GZMK: variants seen among roughly 807,000 people sequenced by gnomAD.
The protein encoded by GZMK is granzyme K.
In GZMK, 18 loss-of-function variants were observed where a neutral mutation model predicts 22.8. The ratio of observed to expected loss-of-function variants is 0.79; its 90% CI spans 0.54 to 1.17. The LOEUF is 1.17. GZMK is among the 50% of genes most tolerant of loss of function. The pLI is 0.00. For synonymous variants in GZMK, 136 were observed against 115.0 expected (o/e 1.18, Z -1.17); for missense variants, 342 against 320.2 (o/e 1.07, Z -0.52).
intron 3 of GZMK, among the ~76,000 whole-genome samples, chr5:55,030,855 A>T (rs945064607): frequency 3.3e-5 from 5 of 152,212 alleles, no homozygotes; most frequent in Admixed American, 6.5e-5. Context: ...AGGCCCAAGG[A>T]TCCACACTGA....
chr5:55,029,609 G>C (rs1489972576), intron 2 of GZMK, among the ~76,000 whole-genome samples: 1 of 152,054 alleles, frequency 6.6e-6, no homozygotes, highest in African/African-American at 2.4e-5. Context: ...TGTCACCCAG[G>C]CTGTGACACT....
chr5:55,025,499 T>C (rs1323759034), intron 2 of GZMK, among the ~76,000 whole-genome samples: 1 of 152,212 alleles, frequency 6.6e-6, no homozygotes, highest in Admixed American at 6.5e-5. Context: ...CAAAGTCCAT[T>C]TCAGCCTAGG....
rs1463207102 is a variant in GZMK at position 55,033,599 on chromosome 5, C to G, written c.634-166C>G. On this transcript the variant is annotated intron_variant, in intron 4 of 4. Transcript: ENST00000231009. ...ACATAGTCCTTGACAGAGACAGGCA[C>G]ATGGACAACCTATAACGAGTAAGAG... 1.3e-5 allele frequency: 7 copies of G among 550,242 alleles called. No individual in the cohort carries two copies. In the East Asian group the frequency reaches 2.1e-4, roughly 16 times the overall value. 34.1% of individuals were successfully genotyped at this position (550,242 alleles called of 1,614,324 possible).
intron 2 of GZMK, among the ~76,000 whole-genome samples, chr5:55,029,247 G>T (rs528176302): frequency 6.6e-6 from 1 of 151,080 alleles, no homozygotes. Context: ...AAAAAAAAAC[G>T]TTAAAAAAGA....
chr5:55,032,530 G>A (rs1164782277), intron 4 of GZMK: 1 of 152,236 alleles, frequency 6.6e-6, no homozygotes, highest in East Asian at 1.9e-4. Context: ...TCAGGAGTTT[G>A]AGACCAGCCT....
In GZMK at chr5:55,033,792, A is replaced by G; in HGVS notation, c.661A>G (p.Lys221Glu). Reference protein sequence around the residue: ...KGDSGGPLICKGVFHAIVSGG... With the variant: ...KGDSGGPLICEGVFHAIVSGG... Reference sequence around the variant, plus strand: ...TGACTCAGGGGGCCCCTTGATCTGTAAAGGTGTCTTCCACGCTATAGTCTC... The same window carrying G: ...TGACTCAGGGGGCCCCTTGATCTGTGAAGGTGTCTTCCACGCTATAGTCTC... Residue 221 changes from lysine (K) to glutamate (E), a missense_variant, in exon 5 of 5, where the codon AAA becomes GAA. Transcript: ENST00000231009. The G allele has an allele frequency of 6.2e-7, 1 of 1,612,750 alleles. No homozygotes were observed. Among genetic ancestry groups the G allele is most frequent in the Non-Finnish European group, 8.5e-7 (1 of 1,179,532 alleles).
intron 2 of GZMK, 89 bp downstream of exon 2, chr5:55,024,896 G>C: frequency 1.3e-6 from 1 of 786,500 alleles, no homozygotes; most frequent in Non-Finnish European, 1.9e-6. Context: ...ATGAGAATTT[G>C]ATCTACTGTT....
Position 55,031,474 on chromosome 5 carries a change from T to C in GZMK, c.474T>C (p.Asp158=). Residue 158 remains aspartate, a synonymous_variant, in exon 4 of 5, where the codon GAT becomes GAC. Coordinates refer to ENST00000231009, the MANE Select transcript of GZMK (RefSeq NM_002104.3). ...AGGTTACTGGCTGGGGAGCCACCGA[T>C]CCAGATTCATTAAGACCTTCTGACA... The part of the protein sequence containing the change: ...KCKVTGWGAT[D]PDSLRPSDTL... 1 of 1,614,148 alleles carries C rather than the reference T, an allele frequency of 6.2e-7. No individual in the cohort carries two copies. The highest frequency in any genetic ancestry group is 8.5e-7 in the Non-Finnish European group (1 of 1,179,992).
At chr5:55,024,843 T>C (rs201606493) in intron 2 of GZMK, 36 bp downstream of exon 2, 22 of 1,450,512 alleles carry the variant, frequency 1.5e-5, no homozygotes, top group Middle Eastern at 1.8e-4. Flanking sequence ...ATGTGTTTTT[T>C]CTGAAAGTTA....
At chr5:55,031,692 T>C (rs1177338623) in intron 4 of GZMK, 59 bp downstream of exon 4, 1 of 1,412,322 alleles carries the variant, frequency 7.1e-7, no homozygotes, top group Non-Finnish European at 9.8e-7. Flanking sequence ...CAAGCCTCTA[T>C]TGCTCACTGA....
chr5:55,033,521 G>A (rs1741266706), intron 4 of GZMK, among the ~76,000 whole-genome samples: 1 of 152,172 alleles, frequency 6.6e-6, no homozygotes, highest in Non-Finnish European at 1.5e-5. Flanking sequence ...CAGAGGCAGA[G>A]GCATAGTCAT....
At chr5:55,031,258 G>C in intron 3 of GZMK, 106 bp from the exon 4 acceptor site, 1 of 931,464 alleles carries the variant, frequency 1.1e-6, no homozygotes, top group African/African-American at 1.6e-5. Flanking sequence ...GTAGATCCCA[G>C]AACAGGGACG....
intron 2 of GZMK, 197 bp downstream of exon 2, chr5:55,025,004 G>A (rs1741122872): frequency 2.3e-6 from 1 of 427,728 alleles, no homozygotes. Flanking sequence ...GAACTGAGCT[G>A]CTTTTCCCAG....
chr5:55,026,417 G>GTT (rs148349793), intron 2 of GZMK, among the ~76,000 whole-genome samples: 7,231 of 149,510 alleles, frequency 0.048, 360 homozygotes, highest in African/African-American at 0.13. Context: ...TTTGTGTTTT[G>GTT]TTTTTTTTTT....
In GZMK at chr5:55,033,854, A is replaced by G. The variant is rs1741275183; in HGVS notation, c.723A>G (p.Gly241=). ...AATGTGGTGTTGCCACAAAGCCTGG[A>G]ATCTACACCCTGTTAACCAAGAAAT... The part of the protein sequence containing the change: ...GHECGVATKP[G]IYTLLTKKYQ... Residue 241 remains glycine (G), a synonymous_variant, in exon 5 of 5, where the codon GGA becomes GGG. Transcript: ENST00000231009. 1 of 1,611,340 alleles carries G rather than the reference A, an allele frequency of 6.2e-7. No homozygotes were observed. Among genetic ancestry groups the G allele is most frequent in the South Asian group, 1.1e-5 (1 of 90,908 alleles).
chr5:55,031,436 G>A lies in GZMK; in HGVS notation c.436G>A (p.Gly146Arg), dbSNP rs1405692259. The part of the protein sequence containing the change: ...HIRSKTSLRS[G>R]TKCKVTGWGA... Reference sequence around the variant, plus strand: ...AAGATCCAAAACCTCTCTTAGATCTGGAACCAAATGCAAGGTTACTGGCTG... The same window carrying A: ...AAGATCCAAAACCTCTCTTAGATCTAGAACCAAATGCAAGGTTACTGGCTG... Residue 146 changes from glycine (G) to arginine (R), a missense_variant, in exon 4 of 5, where the codon GGA (glycine) becomes AGA (arginine). Coordinates refer to ENST00000231009, the MANE Select transcript of GZMK (RefSeq NM_002104.3). 1 of 1,613,576 alleles carries A rather than the reference G, an allele frequency of 6.2e-7. No homozygotes were observed. The highest frequency in any genetic ancestry group is 8.5e-7 in the Non-Finnish European group (1 of 1,179,466).
chr5:55,024,590 G>GT, intron 1 of GZMK, 70 bp from the exon 2 acceptor site: 5 of 1,106,422 alleles, frequency 4.5e-6, no homozygotes, highest in Non-Finnish European at 6.6e-6. Flanking sequence ...TATAGTGACT[G>GT]TCATTGGAAG....
Position 55,031,626 on chromosome 5 carries a change from C to A in GZMK, c.626C>A (p.Ser209Tyr). The change falls in exon 4 of 5, where the codon TCC (serine) becomes TAC (tyrosine). Residue 209 changes from serine (S) to tyrosine (Y), a missense_variant. Physicochemically the swap from Ser to Tyr is moderately radical, Grantham distance 144. Coordinates refer to ENST00000231009, the MANE Select transcript of GZMK (RefSeq NM_002104.3). ...CAGDAKGQKD[S>Y]CKGDSGGPLI... ...GGAGATGCCAAAGGCCAGAAGGATT[C>A]CTGTAAGGTAAGAATCTCTCTTTCA... 6.2e-7 allele frequency: 1 copy of A among 1,612,234 alleles called. No homozygotes were observed.
chr5:55,033,043 G>A (rs909034055), intron 4 of GZMK, among the ~76,000 whole-genome samples: 15 of 152,162 alleles, frequency 9.9e-5, no homozygotes, highest in Admixed American at 6.5e-5. Context: ...CATTAGCAAA[G>A]AGAAAGGCTG....
Sources: allele counts gnomAD v4.1 joint callset (sites outside exome capture counted in the v4.1 genomes callset), GRCh38; gene constraint gnomAD v4.1.1; transcripts MANE v1.5; gene names NCBI Gene and HGNC (gene_info 2026-07-23, HGNC 2026-07-21).